The following TENM3 variants were observed in gnomAD, a reference collection of about 807,000 sequenced individuals.
TENM3 encodes teneurin-3.
Under a neutral mutation model 255.1 loss-of-function variants are expected in TENM3, and 63 were observed. That is an observed-to-expected ratio of 0.25 (90% confidence interval 0.20 to 0.30). The LOEUF (loss-of-function observed/expected upper bound fraction) is 0.30, where lower values mean the gene tolerates loss of function less well. Among genes scored for constraint, TENM3 ranks in the 10% least tolerant of loss-of-function variants. TENM3 has a pLI of 1.00. For missense variants in TENM3, 2,929 were observed against 3,461.1 expected, an observed-to-expected ratio of 0.85 and a Z score of 3.86; for synonymous variants, 1,306 against 1,322.3, an observed-to-expected ratio of 0.99 and a Z score of 0.27.
At chr4:182,798,760 G>A (rs764062368) in intron 27 of TENM3, among the ~76,000 whole-genome samples, 1 of 152,168 alleles carries the variant, frequency 6.6e-6, no homozygotes, top group Non-Finnish European at 1.5e-5. Flanking sequence ...CAAAAGAAGT[G>A]CACCATAAGG....
the TENM3 span, among the ~76,000 whole-genome samples, chr4:181,510,865 A>G: frequency 6.6e-6 from 1 of 152,258 alleles, no homozygotes; most frequent in African/African-American, 2.4e-5. Context: ...TTCTTAAATT[A>G]TCTTAATCCT....
the TENM3 span, among the ~76,000 whole-genome samples, chr4:181,827,393 G>A: frequency 6.6e-6 from 1 of 152,206 alleles, no homozygotes; most frequent in Admixed American, 6.5e-5. Context: ...TCTGCAAACA[G>A]TCGTGAGCAG....
chr4:182,340,785 C>T (rs1226736363), intron 2 of TENM3, among the ~76,000 whole-genome samples: 2 of 152,182 alleles, frequency 1.3e-5, no homozygotes, highest in Non-Finnish European at 2.9e-5. Flanking sequence ...AATGCTTTCC[C>T]AGTTTGTAGT....
intron 6 of TENM3, among the ~76,000 whole-genome samples, chr4:182,668,342 A>G (rs1754898298): frequency 6.6e-6 from 1 of 152,150 alleles, no homozygotes. Context: ...AATGTTATTG[A>G]GGGTCTATTA....
At chr4:182,222,324 A>G (rs1275906128) in intron 1 of TENM3, among the ~76,000 whole-genome samples, 1 of 152,244 alleles carries the variant, frequency 6.6e-6, no homozygotes, top group African/African-American at 2.4e-5. Flanking sequence ...ACTCATTGAA[A>G]TGTAGAAAAT....
At chr4:182,066,686 G>A in the TENM3 span, among the ~76,000 whole-genome samples, 1 of 151,336 alleles carries the variant, frequency 6.6e-6, no homozygotes, top group Non-Finnish European at 1.5e-5. Context: ...CAAGGCGGGC[G>A]GATCACAAGG....
chr4:181,868,284 A>G, the TENM3 span, among the ~76,000 whole-genome samples: 1 of 151,472 alleles, frequency 6.6e-6, no homozygotes, highest in African/African-American at 2.4e-5. Flanking sequence ...TCACCCCAGC[A>G]TGGCTAACCA....
At chr4:182,772,015 G>A (rs536195680) in intron 22 of TENM3, among the ~76,000 whole-genome samples, 2 of 152,136 alleles carry the variant, frequency 1.3e-5, no homozygotes, top group South Asian at 2.1e-4. Flanking sequence ...TGTCCCCACC[G>A]AATTAATGGG....
Position 182,456,211 on chromosome 4 carries a change from T to G in TENM3, c.511+109282T>G, listed in dbSNP as rs114837596. Reference sequence around the variant, plus strand: ...ACATAGGAGCTGATAAGGCTGAGTATCCCTGTCTAACTGGCCTGTCCGTGC... The same window carrying G: ...ACATAGGAGCTGATAAGGCTGAGTAGCCCTGTCTAACTGGCCTGTCCGTGC... On this transcript the variant is annotated intron_variant, in intron 3 of 27. Coordinates refer to ENST00000511685, the MANE Select transcript of TENM3 (RefSeq NM_001080477.4). Among the ~76,000 whole-genome samples the G allele has an allele frequency of 8.0e-3, 1,221 of 152,334 alleles. 7 individuals carry two copies. The highest frequency in any genetic ancestry group is 0.027 in the African/African-American group (1,141 of 41,566).
At chr4:182,354,494 G>A (rs982678736) in intron 3 of TENM3, among the ~76,000 whole-genome samples, 7 of 152,124 alleles carry the variant, frequency 4.6e-5, no homozygotes, top group African/African-American at 1.4e-4. Flanking sequence ...TTGCCATTCC[G>A]TGAGCACTCA....
At chr4:181,554,627 C>T in the TENM3 span, among the ~76,000 whole-genome samples, 1 of 152,146 alleles carries the variant, frequency 6.6e-6, no homozygotes, top group Admixed American at 6.5e-5. Context: ...TCCCATTTCA[C>T]CTCATGGATG....
intron 3 of TENM3, among the ~76,000 whole-genome samples, chr4:182,525,588 T>C (rs1440470699): frequency 2.0e-5 from 3 of 152,234 alleles, no homozygotes; most frequent in African/African-American, 7.2e-5. Flanking sequence ...GTAATGCTGC[T>C]ATAGAGTTGT....
chr4:182,511,368 T>C (rs1274236754), intron 3 of TENM3, among the ~76,000 whole-genome samples: 1 of 152,204 alleles, frequency 6.6e-6, no homozygotes, highest in Non-Finnish European at 1.5e-5. Context: ...TGTCAGTGTA[T>C]ACTTATTATG....
chr4:181,654,230 GAAA>G, the TENM3 span, among the ~76,000 whole-genome samples: 4 of 110,534 alleles, frequency 3.6e-5, no homozygotes, highest in Admixed American at 2.0e-4. Context: ...CTGCCTTCAG[GAAA>G]AAAAAAAAAA....
intron 3 of TENM3, among the ~76,000 whole-genome samples, chr4:182,518,432 G>C (rs898901854): frequency 2.6e-5 from 4 of 152,114 alleles, no homozygotes; most frequent in Non-Finnish European, 5.9e-5. Flanking sequence ...CATCTAGTGG[G>C]AGATCATCTT....
At chr4:181,673,359 A>G in the TENM3 span, among the ~76,000 whole-genome samples, 2 of 152,194 alleles carry the variant, frequency 1.3e-5, no homozygotes, top group African/African-American at 4.8e-5. Flanking sequence ...GTCTCAGAAT[A>G]TACGTTTTAT....
chr4:181,626,035 C>T, the TENM3 span, among the ~76,000 whole-genome samples: 1 of 152,050 alleles, frequency 6.6e-6, no homozygotes, highest in South Asian at 2.1e-4. Flanking sequence ...ATCAGTTTTT[C>T]TATGATGTCA....
the TENM3 span, among the ~76,000 whole-genome samples, chr4:181,575,520 C>G: frequency 6.6e-6 from 1 of 152,188 alleles, no homozygotes; most frequent in Non-Finnish European, 1.5e-5. Context: ...ACTATCTCTT[C>G]TATTATTTTC....
chr4:182,052,315 A>G, the TENM3 span, among the ~76,000 whole-genome samples: 11 of 152,008 alleles, frequency 7.2e-5, no homozygotes, highest in Admixed American at 6.5e-4. Flanking sequence ...CAGAAGCAAG[A>G]GCATAGTGTC....
Sources: allele counts gnomAD v4.1 joint callset (sites outside exome capture counted in the v4.1 genomes callset), GRCh38; gene constraint gnomAD v4.1.1; transcripts MANE v1.5; gene names NCBI Gene and HGNC (gene_info 2026-07-23, HGNC 2026-07-21).